SLC14A2: variants seen among roughly 807,000 people sequenced by gnomAD.
The protein encoded by SLC14A2 is urea transporter 2.
In SLC14A2, 91 loss-of-function variants were observed where a neutral mutation model predicts 104.6. That is an observed-to-expected ratio of 0.87 (90% CI 0.73 to 1.04). SLC14A2 has a LOEUF of 1.04. Ranked by LOEUF, SLC14A2 falls within the 50% of genes least tolerant of loss-of-function variation. SLC14A2 has a pLI of 0.00. For synonymous variants in SLC14A2, 476 were observed against 466.4 expected (o/e 1.02, Z -0.27); for missense variants, 1,189 against 1,156.0 (o/e 1.03, Z -0.41).
chr18:45,451,153 A>G (rs1270950700), intron 1 of SLC14A2, among the ~76,000 whole-genome samples: 5 of 152,180 alleles, frequency 3.3e-5, no homozygotes, highest in African/African-American at 1.2e-4. Context: ...AGAGGTCAAT[A>G]TTGGCAGCTG....
chr18:45,429,200 CT>C (rs2086477839), intron 1 of SLC14A2, among the ~76,000 whole-genome samples: 1 of 152,056 alleles, frequency 6.6e-6, no homozygotes. Flanking sequence ...TTTAAATTAC[CT>C]TATAAAACAG....
At chr18:45,372,740 T>C (rs2085736474) in intron 1 of SLC14A2, among the ~76,000 whole-genome samples, 1 of 152,176 alleles carries the variant, frequency 6.6e-6, no homozygotes, top group Non-Finnish European at 1.5e-5. Flanking sequence ...ATCTAAACCA[T>C]CACTATCTAA....
intron 1 of SLC14A2, among the ~76,000 whole-genome samples, chr18:45,459,619 C>T (rs900723239): frequency 9.2e-5 from 14 of 152,318 alleles, no homozygotes; most frequent in Admixed American, 2.0e-4. Context: ...CTGCTATTCC[C>T]GGGGCCTCGC....
At chr18:45,229,937 G>A (rs2084158300) in intron 1 of SLC14A2, among the ~76,000 whole-genome samples, 1 of 151,898 alleles carries the variant, frequency 6.6e-6, no homozygotes, top group South Asian at 2.1e-4. Flanking sequence ...CACAGCCTTG[G>A]GCAAGTCAGT....
intron 1 of SLC14A2, among the ~76,000 whole-genome samples, chr18:45,296,446 TAGAG>T (rs1399314134): frequency 6.6e-6 from 1 of 152,218 alleles, no homozygotes; most frequent in Non-Finnish European, 1.5e-5. Context: ...TAGCATTAAA[TAGAG>T]AGCCAAGATG....
At chr18:45,419,421 G>A (rs1370686580) in intron 1 of SLC14A2, among the ~76,000 whole-genome samples, 1 of 152,142 alleles carries the variant, frequency 6.6e-6, no homozygotes, top group Non-Finnish European at 1.5e-5. Context: ...TCAAACTATT[G>A]AGAAAACTTG....
chr18:45,340,464 C>A (rs2144281419), intron 1 of SLC14A2, among the ~76,000 whole-genome samples: 1 of 152,216 alleles, frequency 6.6e-6, no homozygotes, highest in South Asian at 2.1e-4. Flanking sequence ...TGAGAAATTC[C>A]CAGAAAAGTC....
intron 1 of SLC14A2, among the ~76,000 whole-genome samples, chr18:45,462,107 C>G (rs948575586): frequency 6.6e-6 from 1 of 152,146 alleles, no homozygotes; most frequent in African/African-American, 2.4e-5. Flanking sequence ...CAAACAAAAC[C>G]AATCAATGTT....
rs529354491 is a variant in SLC14A2 at position 45,387,090 on chromosome 18, A to G, written c.-124-96143A>G. On this transcript the variant is annotated intron_variant, in intron 1 of 20. Coordinates refer to the SLC14A2 transcript ENST00000586448. ...GCTCAGCCCAGTTGCTACTACTTCC[A>G]TTGGGCCCTCACAGATATTCTACTC... 7.2e-5 allele frequency among the ~76,000 whole-genome samples: 11 copies of G among 152,212 alleles called. 1 individual carries two copies. In the South Asian group the frequency reaches 1.9e-3, roughly 26 times the overall value.
At chr18:45,418,557 C>T (rs1445116002) in intron 1 of SLC14A2, among the ~76,000 whole-genome samples, 1 of 152,164 alleles carries the variant, frequency 6.6e-6, no homozygotes, top group Non-Finnish European at 1.5e-5. Context: ...ATCCATGAGT[C>T]GTCAGTAGAG....
rs2046341604 is a variant in SLC14A2, at chr18:45,683,345, C to T, written c.*826C>T. On this transcript the variant is annotated 3_prime_UTR_variant, in exon 20 of 20. Coordinates refer to ENST00000255226, the MANE Select transcript of SLC14A2 (RefSeq NM_007163.4). Reference sequence around the variant, plus strand: ...GGGAAGGATTTGAAAGTCCTTTCCACCTCAGAAGTGTTGATTATTCTCTCT... The same window carrying T: ...GGGAAGGATTTGAAAGTCCTTTCCATCTCAGAAGTGTTGATTATTCTCTCT... The T allele has an allele frequency of 6.6e-6, 1 of 152,170 alleles. No homozygotes were observed. The highest frequency in any genetic ancestry group is 2.1e-4 in the South Asian group (1 of 4,834). The allele number at this position is 152,170 out of a possible 1,614,324, so 9.4% of individuals were successfully genotyped here.
chr18:45,388,557 G>GC lies in SLC14A2; in HGVS notation c.-124-94672dup, dbSNP rs550414323. On this transcript the variant is annotated intron_variant, in intron 1 of 20. Transcript: ENST00000586448. ...CTATTTTTCGTCTGTTCTCTTCAGT[G>GC]CCCCAAGATTGCGAATACCTGGGGT... 2.3e-3 allele frequency among the ~76,000 whole-genome samples: 346 copies of GC among 152,162 alleles called. 2 individuals are homozygous for GC. The highest frequency in any genetic ancestry group is 1.6e-3 in the Non-Finnish European group (110 of 68,018).
the SLC14A2 span, among the ~76,000 whole-genome samples, chr18:45,193,936 T>C: frequency 6.6e-6 from 1 of 152,194 alleles, no homozygotes; most frequent in East Asian, 1.9e-4. Context: ...CCATATTTTC[T>C]CTGATTTTCC....
chr18:45,541,764 G>A (rs1234040509), intron 2 of SLC14A2, among the ~76,000 whole-genome samples: 1 of 152,164 alleles, frequency 6.6e-6, no homozygotes, highest in African/African-American at 2.4e-5. Context: ...ACAGAGGCAG[G>A]TCAGAGCCTA....
rs774750453 is a variant in SLC14A2 at position 45,667,068 on chromosome 18, T to G, written c.1691T>G (p.Met564Arg). The G allele has an allele frequency of 1.2e-6, 2 of 1,613,784 alleles. No individual in the cohort carries two copies. Among genetic ancestry groups the G allele is most frequent in the Non-Finnish European group, 1.7e-6 (2 of 1,179,816 alleles). ...SKALSYITGE[M>R]KECGEGLKDK... ...GCCCTCAGCTACATCACAGGAGAGATGAAGGAGTGTGGAGAGGGACTTAAA... is the reference window on the plus strand; with the variant it reads ...GCCCTCAGCTACATCACAGGAGAGAGGAAGGAGTGTGGAGAGGGACTTAAA... Residue 564 changes from methionine to arginine, a missense_variant, in exon 13 of 20, where the codon ATG becomes AGG. Transcript: ENST00000255226.
chr18:45,629,088 C>T (rs574792738), intron 4 of SLC14A2, among the ~76,000 whole-genome samples: 1 of 152,302 alleles, frequency 6.6e-6, no homozygotes, highest in South Asian at 2.1e-4. Flanking sequence ...CCCATCATGG[C>T]ACCTGTGAGG....
rs763947201 is a variant in SLC14A2 at position 45,644,206 on chromosome 18, T to A, written c.1351+46T>A. ...AAGAAACGCTCTTTGCCTGACCTGA[T>A]GTCCTCTCCCTGTGTTCTCTGCTCT... On this transcript the variant is annotated intron_variant, in intron 10 of 19. Transcript: ENST00000255226. The A allele has an allele frequency of 8.8e-6, 14 of 1,590,184 alleles. No individual in the cohort carries two copies. The Admixed American group carries it at 1.5e-4, about 17-fold the overall frequency.
the SLC14A2 span, among the ~76,000 whole-genome samples, chr18:45,192,095 T>C: frequency 7.9e-5 from 12 of 152,228 alleles, no homozygotes; most frequent in Admixed American, 2.0e-4. Context: ...CTGTGCTTCA[T>C]TGAACCCCTC....
rs1190878945 is a variant in SLC14A2, at chr18:45,657,100, G to A, written c.1352-6685G>A. On this transcript the variant is annotated intron_variant, in intron 10 of 19. Transcript: ENST00000255226. ...AGACTGGGGTTTTTCTTGAGGAAAG[G>A]GAGCCATGGTTTAAAGAGAAATAGA... Among the ~76,000 whole-genome samples, 3 of 152,286 alleles carry A rather than the reference G, an allele frequency of 2.0e-5. No homozygotes were observed. The East Asian group carries it at 5.8e-4, about 29-fold the overall frequency.
Sources: allele counts gnomAD v4.1 joint callset (sites outside exome capture counted in the v4.1 genomes callset), GRCh38; gene constraint gnomAD v4.1.1; transcripts MANE v1.5; gene names NCBI Gene and HGNC (gene_info 2026-07-23, HGNC 2026-07-21).